MED27: variants seen among roughly 807,000 people sequenced by gnomAD.
MED27 encodes the protein mediator complex subunit 27.
MED27 carries 30 observed loss-of-function variants against 38.2 expected under a neutral mutation model. The observed-to-expected ratio is 0.79, with a 90% confidence interval of 0.59 to 1.07. The LOEUF (loss-of-function observed/expected upper bound fraction) is 1.07, where lower values mean the gene tolerates loss of function less well. Among genes scored for constraint, MED27 ranks in the 50% least tolerant of loss-of-function variants. The probability of loss-of-function intolerance (pLI) is 0.00; values close to 1 mark genes in which losing one functional copy is unlikely to be tolerated. For missense variants in MED27, 289 were observed against 397.5 expected (o/e 0.73, Z 2.32); for synonymous variants, 122 against 153.5 (o/e 0.79, Z 1.52).
intron 6 of MED27, among the ~76,000 whole-genome samples, chr9:131,870,980 G>A (rs1015103809): frequency 6.6e-6 from 1 of 152,226 alleles, no homozygotes; most frequent in Non-Finnish European, 1.5e-5. Flanking sequence ...TGCATCAGGT[G>A]GGCATGCCCA....
chr9:131,992,243 A>G (rs548509409), intron 3 of MED27, among the ~76,000 whole-genome samples: 1 of 152,318 alleles, frequency 6.6e-6, no homozygotes, highest in African/African-American at 2.4e-5. Context: ...AGTTTGAACC[A>G]ATGAGAAAAA....
At chr9:131,971,027 G>A (rs1191502319) in intron 3 of MED27, among the ~76,000 whole-genome samples, 1 of 152,198 alleles carries the variant, frequency 6.6e-6, no homozygotes, top group Non-Finnish European at 1.5e-5. Context: ...GTGTTCGGGG[G>A]TAGAATGACA....
chr9:132,070,831 C>A (rs1355580886), intron 2 of MED27, among the ~76,000 whole-genome samples: 1 of 151,818 alleles, frequency 6.6e-6, no homozygotes, highest in East Asian at 1.9e-4. Flanking sequence ...CTTACCTCCA[C>A]CCCCAGGTTC....
At position 131,913,825 on chromosome 9, in the gene MED27, A is replaced by G. The variant is rs528193478; in HGVS notation, c.574-19833T>C. Among the ~76,000 whole-genome samples, 62 of 152,286 alleles carry G rather than the reference A, an allele frequency of 4.1e-4. No homozygotes were observed. Among genetic ancestry groups the G allele is most frequent in the Non-Finnish European group, 7.1e-4 (48 of 68,020 alleles). ...TCTAACAAGCACCGAGGGCGGTCCA[A>G]TGATTCCCTGAGCCACTGGCGTGGT... On this transcript the variant is annotated intron_variant, in intron 4 of 7. Coordinates refer to ENST00000292035, the MANE Select transcript of MED27 (RefSeq NM_004269.4). This position sits in a 1 kb window ranked among gnomAD's most constrained non-coding sequence, Gnocchi z 4.5.
chr9:132,040,082 A>G (rs2131118063), intron 2 of MED27, among the ~76,000 whole-genome samples: 1 of 152,290 alleles, frequency 6.6e-6, no homozygotes, highest in East Asian at 1.9e-4. Context: ...TCATACCACT[A>G]CACCAATATC....
Position 131,860,397 on chromosome 9 carries a change from C to G in MED27, c.*141G>C, listed in dbSNP as rs1330409121. The G allele has an allele frequency of 1.0e-6, 1 of 1,004,000 alleles. No individual in the cohort carries two copies. The highest frequency in any genetic ancestry group is 3.0e-5 in the East Asian group (1 of 33,696). The allele number at this position is 1,004,000 out of a possible 1,614,324, so 62.2% of individuals were successfully genotyped here. On this transcript the variant is annotated 3_prime_UTR_variant, in exon 8 of 8. Transcript: ENST00000292035. The surrounding 1 kb of genome is among the most constrained non-coding windows in gnomAD (Gnocchi z 5.8). Reference sequence around the variant, plus strand: ...GGAGTCTGCTCTTCAAGAGTGGCCTCTGCACACATGGCGCTGCTTTATGAA... The same window carrying G: ...GGAGTCTGCTCTTCAAGAGTGGCCTGTGCACACATGGCGCTGCTTTATGAA...
At chr9:131,921,228 T>C (rs1183988580) in intron 4 of MED27, among the ~76,000 whole-genome samples, 2 of 152,206 alleles carry the variant, frequency 1.3e-5, no homozygotes, top group East Asian at 3.8e-4. Context: ...CTGTTAGCAC[T>C]ACCCTGCACC....
chr9:132,044,382 C>T (rs1420852505), intron 2 of MED27, among the ~76,000 whole-genome samples: 1 of 152,242 alleles, frequency 6.6e-6, no homozygotes, highest in Non-Finnish European at 1.5e-5. Flanking sequence ...CTTTCTCTTA[C>T]GCTTCTTACT....
chr9:132,043,173 G>A (rs1162969109), intron 2 of MED27, among the ~76,000 whole-genome samples: 2 of 152,094 alleles, frequency 1.3e-5, no homozygotes, highest in East Asian at 3.8e-4. Flanking sequence ...CAATGAGGAG[G>A]TATTACAGTG....
intron 4 of MED27, among the ~76,000 whole-genome samples, chr9:131,897,891 G>A (rs1457640985): frequency 1.3e-5 from 2 of 152,138 alleles, no homozygotes; most frequent in African/African-American, 4.8e-5. Flanking sequence ...CAATGTGACT[G>A]GTTGACATGT....
intron 3 of MED27, among the ~76,000 whole-genome samples, chr9:131,964,693 G>A (rs761953789): frequency 6.6e-6 from 1 of 152,180 alleles, no homozygotes; most frequent in African/African-American, 2.4e-5. Flanking sequence ...AACCAAGGAC[G>A]TGCAATTCTT....
intron 3 of MED27, among the ~76,000 whole-genome samples, chr9:131,943,898 A>G (rs1044509399): frequency 6.6e-5 from 10 of 152,222 alleles, no homozygotes; most frequent in African/African-American, 2.4e-4. Context: ...TTACAGATTC[A>G]AATCAAGGTA....
chr9:131,878,654 T>C (rs994789839), intron 6 of MED27, among the ~76,000 whole-genome samples: 2 of 152,192 alleles, frequency 1.3e-5, no homozygotes, highest in African/African-American at 4.8e-5. Context: ...TAGCTGTCGG[T>C]CTGCTCTTAC....
At chr9:131,948,561 C>T (rs1009559136) in intron 3 of MED27, among the ~76,000 whole-genome samples, 1 of 151,874 alleles carries the variant, frequency 6.6e-6, no homozygotes, top group South Asian at 2.1e-4. Context: ...AAAACAAAAC[C>T]GTACAACTAA....
At chr9:131,976,152 C>CAG (rs990258381) in intron 3 of MED27, among the ~76,000 whole-genome samples, 4 of 152,144 alleles carry the variant, frequency 2.6e-5, no homozygotes, top group African/African-American at 9.7e-5. Flanking sequence ...CTGTATCATA[C>CAG]AGAGGAGTTC....
chr9:132,070,160 A>G (rs1422753703), intron 2 of MED27, among the ~76,000 whole-genome samples: 1 of 152,212 alleles, frequency 6.6e-6, no homozygotes, highest in African/African-American at 2.4e-5. Flanking sequence ...CAAACCCTAT[A>G]AAGTCTGACT....
At chr9:131,879,257 C>T (rs1316005838) in intron 6 of MED27, among the ~76,000 whole-genome samples, 8 of 152,186 alleles carry the variant, frequency 5.3e-5, no homozygotes, top group Non-Finnish European at 7.3e-5. Context: ...CTTGGTTTGG[C>T]TCTGCAAGGC....
intron 2 of MED27, among the ~76,000 whole-genome samples, chr9:132,024,122 C>G (rs1000566850): frequency 2.0e-5 from 3 of 152,284 alleles, no homozygotes; most frequent in African/African-American, 4.8e-5. Context: ...CAAACCCCAG[C>G]TCAACATGAG....
chr9:131,993,207 G>A (rs1449460649), intron 3 of MED27, among the ~76,000 whole-genome samples: 1 of 150,792 alleles, frequency 6.6e-6, no homozygotes. Flanking sequence ...TAACACCATA[G>A]TTTAACATCA....
Sources: gnomAD v4.1 joint callset for allele counts (sites outside exome capture counted in the v4.1 genomes callset) on GRCh38, gnomAD v4.1.1 for gene constraint, Gnocchi (gnomAD v3.1) non-coding constraint, MANE v1.5 for transcripts, NCBI Gene and HGNC (gene_info 2026-07-23, HGNC 2026-07-21) for gene names.